Variants in ACTR3C observed in about 807,000 individuals in gnomAD.
ACTR3C encodes the protein actin related protein 3C, also known as actin-related protein 3C.
ACTR3C carries 18 observed loss-of-function variants against 26.3 expected under a neutral mutation model. The observed-to-expected ratio is 0.68, with a 90% CI of 0.47 to 1.01. ACTR3C has a LOEUF of 1.01. ACTR3C is among the 50% of genes least tolerant of loss of function. The pLI is 0.00. For synonymous variants in ACTR3C, 55 were observed against 94.5 expected (o/e 0.58, Z 2.42); for missense variants, 184 against 250.7 (o/e 0.73, Z 1.80).
the ACTR3C span, among the ~76,000 whole-genome samples, chr7:150,207,173 T>C: frequency 9.8e-5 from 15 of 152,354 alleles, no homozygotes; most frequent in South Asian, 3.1e-3. Context: ...CTGCAGGACA[T>C]GTAACTAGAA....
chr7:149,944,266 A>T, the ACTR3C span, among the ~76,000 whole-genome samples: 1 of 151,982 alleles, frequency 6.6e-6, no homozygotes, highest in Non-Finnish European at 1.5e-5. Context: ...AGGGAACTGA[A>T]GTTAAGAGGT....
At chr7:150,228,673 G>A in the ACTR3C span, among the ~76,000 whole-genome samples, 1 of 152,094 alleles carries the variant, frequency 6.6e-6, no homozygotes, top group African/African-American at 2.4e-5. Flanking sequence ...GCTGACCCTG[G>A]CTTTGGTTCA....
At chr7:150,184,416 TG>T in the ACTR3C span, among the ~76,000 whole-genome samples, 1 of 150,704 alleles carries the variant, frequency 6.6e-6, no homozygotes, top group African/African-American at 2.5e-5. Context: ...GGTTTTCCTC[TG>T]TTCCATGTCT....
chr7:150,305,147 GCTGGTGCAGAAGAAAGTTACTCCACA>G (rs894445507), intron 1 of ACTR3C, among the ~76,000 whole-genome samples: 1 of 152,120 alleles, frequency 6.6e-6, no homozygotes, highest in African/African-American at 2.4e-5. Context: ...AACCACCCCA[GCTGGTGCAGAAGAAAGTTACTCCACA>G]CTGAGGGAAA....
the ACTR3C span, chr7:150,002,074 G>C: frequency 6.6e-6 from 1 of 152,458 alleles, no homozygotes; most frequent in East Asian, 1.9e-4. Flanking sequence ...CCGTGCATCT[G>C]CTGTGCACGT....
At chr7:150,254,149 T>G (rs1238551329) in intron 6 of ACTR3C, among the ~76,000 whole-genome samples, 3 of 152,172 alleles carry the variant, frequency 2.0e-5, no homozygotes, top group Non-Finnish European at 2.9e-5. Flanking sequence ...GGGTGCTGAG[T>G]GCTAGAGAGA....
At chr7:149,886,797 A>G in the ACTR3C span, among the ~76,000 whole-genome samples, 1 of 152,104 alleles carries the variant, frequency 6.6e-6, no homozygotes, top group Non-Finnish European at 1.5e-5. Flanking sequence ...CTCCACTAAA[A>G]ATACAAAAAG....
chr7:150,057,078 G>A, the ACTR3C span, among the ~76,000 whole-genome samples: 33 of 151,440 alleles, frequency 2.2e-4, no homozygotes, highest in Middle Eastern at 3.4e-3. Flanking sequence ...CAAATCCCTA[G>A]GATAACTATC....
rs184163753 is a variant in ACTR3C at position 150,293,275 on chromosome 7, A to G, written c.153+37T>C. On this transcript the variant is annotated intron_variant, in intron 3 of 7. Transcript: ENST00000683684. ...CATCCTTACCTCGAATCAGGTGTTAAGCCTACAGAGACTTATATATTAACT... is the reference window on the plus strand; with the variant it reads ...CATCCTTACCTCGAATCAGGTGTTAGGCCTACAGAGACTTATATATTAACT... 8.3e-4 allele frequency: 1,271 copies of G among 1,537,170 alleles called. 9 individuals are homozygous for G. In the African/African-American group the frequency reaches 0.015, roughly 19 times the overall value.
chr7:150,089,566 AC>A, the ACTR3C span, among the ~76,000 whole-genome samples: 1 of 152,168 alleles, frequency 6.6e-6, no homozygotes, highest in African/African-American at 2.4e-5. Context: ...CAGATGATCA[AC>A]CAGCAAGGAA....
chr7:150,185,055 G>T, the ACTR3C span, among the ~76,000 whole-genome samples: 8 of 151,524 alleles, frequency 5.3e-5, no homozygotes. Flanking sequence ...GGATTGTCAA[G>T]GACTGATTGG....
chr7:150,036,923 C>T, the ACTR3C span, among the ~76,000 whole-genome samples: 2 of 102,248 alleles, frequency 2.0e-5, no homozygotes, highest in Non-Finnish European at 4.5e-5. Flanking sequence ...CCCCCCTCTG[C>T]GATGGGGGTC....
the ACTR3C span, among the ~76,000 whole-genome samples, chr7:149,907,464 TTGC>T: frequency 1.3e-5 from 1 of 76,820 alleles, no homozygotes; most frequent in South Asian, 5.3e-4. Flanking sequence ...GGGGCCTCTC[TTGC>T]CTCTCTTCTC....
chr7:150,138,641 TC>T, the ACTR3C span, among the ~76,000 whole-genome samples: 5 of 152,156 alleles, frequency 3.3e-5, no homozygotes, highest in African/African-American at 9.6e-5. Flanking sequence ...ACCATTTCTT[TC>T]CCCCCAGCTC....
At chr7:150,019,852 A>C in the ACTR3C span, among the ~76,000 whole-genome samples, 2 of 151,962 alleles carry the variant, frequency 1.3e-5, no homozygotes, top group African/African-American at 4.8e-5. Context: ...ATTGGAATAA[A>C]TCCACAGAAC....
rs561724801 is a variant in ACTR3C at position 150,295,209 on chromosome 7, A to G, written c.45+43T>C. 10 of 1,606,214 alleles carry G rather than the reference A, an allele frequency of 6.2e-6. No homozygotes were observed. In the South Asian group the frequency reaches 1.1e-4, roughly 18 times the overall value. On this transcript the variant is annotated intron_variant, in intron 2 of 7. Coordinates refer to ENST00000683684, the MANE Select transcript of ACTR3C (RefSeq NM_001164458.2). ...GAAATACCATTTCTTCCGCTACTAG[A>G]CAGCTCAGGTGCTTTAGGAATCACA...
chr7:150,267,865 G>A (rs1834156852), intron 6 of ACTR3C, among the ~76,000 whole-genome samples: 1 of 152,172 alleles, frequency 6.6e-6, no homozygotes, highest in South Asian at 2.1e-4. Flanking sequence ...AGGAACTTCT[G>A]CCAGCGATGG....
the ACTR3C span, among the ~76,000 whole-genome samples, chr7:150,057,276 C>CTT: frequency 3.1e-3 from 351 of 113,708 alleles, no homozygotes; most frequent in Middle Eastern, 4.6e-3. Flanking sequence ...GGAATAGGTC[C>CTT]TTTTTTTTTT....
At chr7:149,969,256 T>C in the ACTR3C span, among the ~76,000 whole-genome samples, 1 of 137,056 alleles carries the variant, frequency 7.3e-6, no homozygotes, top group African/African-American at 2.6e-5. Flanking sequence ...TTCCTTCCCA[T>C]CCTCAGAAAG....
Sources: gnomAD v4.1 joint callset for allele counts (sites outside exome capture counted in the v4.1 genomes callset) on GRCh38, gnomAD v4.1.1 for gene constraint, MANE v1.5 for transcripts, NCBI Gene and HGNC (gene_info 2026-07-23, HGNC 2026-07-21) for gene names.